The following SLC24A2 variants were observed in gnomAD, a reference collection of about 807,000 sequenced individuals.
SLC24A2 encodes sodium/potassium/calcium exchanger 2.
Under a neutral mutation model 62.0 loss-of-function variants are expected in SLC24A2, and 36 were observed. The observed-to-expected ratio is 0.58, with a 90% CI of 0.44 to 0.77. The LOEUF (loss-of-function observed/expected upper bound fraction) is 0.77, where lower values mean the gene tolerates loss of function less well. Ranked by LOEUF, SLC24A2 falls within the 30% of genes least tolerant of loss-of-function variation. The probability of loss-of-function intolerance (pLI) is 0.00; values close to 1 mark genes in which losing one functional copy is unlikely to be tolerated. For synonymous variants in SLC24A2, 358 were observed against 294.0 expected (o/e 1.22, Z -2.23); for missense variants, 846 against 817.9 (o/e 1.03, Z -0.42).
At chr9:20,032,002 GAGTC>G in the SLC24A2 span, among the ~76,000 whole-genome samples, 1 of 152,178 alleles carries the variant, frequency 6.6e-6, no homozygotes, top group African/African-American at 2.4e-5. Context: ...CAGATCTTAT[GAGTC>G]AGTGTCTGCG....
Position 19,636,286 on chromosome 9 carries a change from C to CTTCTT in SLC24A2, c.931-13992_931-13988dup, listed in dbSNP as rs1207223868. Among the ~76,000 whole-genome samples, 781 of 88,064 alleles carry CTTCTT rather than the reference C, an allele frequency of 8.9e-3. 71 individuals are homozygous for CTTCTT. The highest frequency in any genetic ancestry group is 0.011 in the Non-Finnish European group (499 of 43,620). 57.8% of individuals were successfully genotyped at this position (88,064 alleles called of 152,430 possible). ...TTTTCTTCTCTTCTTCTCTTCTTCT[C>CTTCTT]TTCTTTTCTTTTCTTTTCTTTTCTT... On this transcript the variant is annotated intron_variant, in intron 2 of 10. Coordinates refer to ENST00000341998, the MANE Select transcript of SLC24A2 (RefSeq NM_020344.4).
chr9:19,702,292 T>A (rs557924545), intron 2 of SLC24A2, among the ~76,000 whole-genome samples: 75 of 152,330 alleles, frequency 4.9e-4, no homozygotes, highest in Admixed American at 4.1e-3. Context: ...TTTTTCATAA[T>A]GAAGAATAAT....
the SLC24A2 span, among the ~76,000 whole-genome samples, chr9:20,019,519 G>A: frequency 6.6e-6 from 1 of 152,150 alleles, no homozygotes; most frequent in African/African-American, 2.4e-5. Context: ...TGAGGCCTCT[G>A]TTCTGTCCCA....
the SLC24A2 span, among the ~76,000 whole-genome samples, chr9:19,848,985 C>T: frequency 2.0e-5 from 3 of 152,206 alleles, no homozygotes; most frequent in African/African-American, 7.2e-5. Context: ...GTGGATTCTG[C>T]ATTCAAGGGA....
the SLC24A2 span, among the ~76,000 whole-genome samples, chr9:19,949,112 G>C: frequency 0.24 from 36,488 of 151,828 alleles, 5,343 homozygotes; most frequent in South Asian, 0.4. Context: ...TCCTGCCTCA[G>C]CCTCCTGAGA....
the SLC24A2 span, among the ~76,000 whole-genome samples, chr9:20,248,279 C>A: frequency 6.6e-6 from 1 of 152,192 alleles, no homozygotes; most frequent in African/African-American, 2.4e-5. Flanking sequence ...GATCTTTGTG[C>A]CTTGGCTCAA....
the SLC24A2 span, among the ~76,000 whole-genome samples, chr9:20,259,648 T>G: frequency 6.6e-6 from 1 of 151,992 alleles, no homozygotes; most frequent in African/African-American, 2.4e-5. Context: ...GAGATCCAAA[T>G]AGTCCCCAGT....
At chr9:19,913,623 A>G in the SLC24A2 span, among the ~76,000 whole-genome samples, 2 of 152,154 alleles carry the variant, frequency 1.3e-5, no homozygotes, top group Non-Finnish European at 2.9e-5. Context: ...AGAATTTTCC[A>G]GTGCCAGCAA....
At chr9:19,800,349 A>G in the SLC24A2 span, among the ~76,000 whole-genome samples, 187 of 152,254 alleles carry the variant, frequency 1.2e-3, no homozygotes, top group African/African-American at 4.4e-3. Flanking sequence ...ATTAGTCTAT[A>G]TCTTCACTTT....
chr9:19,528,665 A>C (rs771070304), intron 8 of SLC24A2, among the ~76,000 whole-genome samples: 2 of 152,148 alleles, frequency 1.3e-5, no homozygotes, highest in Non-Finnish European at 2.9e-5. Context: ...CAGTACCACA[A>C]ATTATCAAGA....
chr9:20,231,950 GT>G, the SLC24A2 span, among the ~76,000 whole-genome samples: 1 of 152,186 alleles, frequency 6.6e-6, no homozygotes, highest in Admixed American at 6.5e-5. Context: ...ATGAACGGTT[GT>G]TGAATTTTGT....
At chr9:20,050,415 C>CAAAT in the SLC24A2 span, among the ~76,000 whole-genome samples, 1 of 151,856 alleles carries the variant, frequency 6.6e-6, no homozygotes, top group Non-Finnish European at 1.5e-5. Context: ...GACTGTGCCT[C>CAAAT]AAATAAATAA....
At chr9:20,194,384 C>CTGG in the SLC24A2 span, among the ~76,000 whole-genome samples, 2 of 152,198 alleles carry the variant, frequency 1.3e-5, no homozygotes, top group African/African-American at 4.8e-5. Flanking sequence ...TGGTACTCTT[C>CTGG]ATCCCTTCTC....
chr9:20,051,962 G>T, the SLC24A2 span, among the ~76,000 whole-genome samples: 2 of 151,858 alleles, frequency 1.3e-5, no homozygotes, highest in Non-Finnish European at 2.9e-5. Context: ...GATAATAATT[G>T]TTTCTAGCTC....
At chr9:19,653,119 G>A (rs962923327) in intron 2 of SLC24A2, among the ~76,000 whole-genome samples, 1 of 152,178 alleles carries the variant, frequency 6.6e-6, no homozygotes, top group African/African-American at 2.4e-5. Flanking sequence ...ACTTGGACAT[G>A]TACAGCTAAG....
At chr9:19,738,398 C>T (rs575033551) in intron 2 of SLC24A2, among the ~76,000 whole-genome samples, 3 of 151,630 alleles carry the variant, frequency 2.0e-5, no homozygotes, top group East Asian at 3.9e-4. Flanking sequence ...TAACAGATCC[C>T]GAGAGAGAGA....
the SLC24A2 span, chr9:19,927,105 A>G: frequency 6.6e-6 from 1 of 152,306 alleles, no homozygotes; most frequent in Admixed American, 6.5e-5. Context: ...AGAAGAGGAC[A>G]GAGTTCTGCT....
chr9:19,571,451 G>C (rs932620262), intron 7 of SLC24A2, among the ~76,000 whole-genome samples: 1 of 152,044 alleles, frequency 6.6e-6, no homozygotes, highest in Non-Finnish European at 1.5e-5. Context: ...CTGTAGTCTG[G>C]TTTCTATTTG....
chr9:20,071,568 T>C, the SLC24A2 span, among the ~76,000 whole-genome samples: 2 of 152,186 alleles, frequency 1.3e-5, no homozygotes, highest in African/African-American at 4.8e-5. Flanking sequence ...ATCCTCAGAA[T>C]TTATAAATGT....
Sources: gnomAD v4.1 joint callset for allele counts (sites outside exome capture counted in the v4.1 genomes callset) on GRCh38, gnomAD v4.1.1 for gene constraint, MANE v1.5 for transcripts, NCBI Gene and HGNC (gene_info 2026-07-23, HGNC 2026-07-21) for gene names.